H2AC8: variants seen among roughly 807,000 people sequenced by gnomAD.
H2AC8 encodes the protein histone H2A type 1-B/E.
Under a neutral mutation model 6.3 loss-of-function variants are expected in H2AC8, and 9 were observed. The observed-to-expected ratio is 1.43, with a 90% confidence interval of 0.86 to 2.49. The LOEUF (loss-of-function observed/expected upper bound fraction) is 2.49, where lower values mean the gene tolerates loss of function less well. Ranked by LOEUF, H2AC8 falls within the 30% of genes most tolerant of loss-of-function variation. The pLI, the probability that H2AC8 is intolerant of heterozygous loss-of-function variation, is 0.00. For synonymous variants in H2AC8, 176 were observed against 79.6 expected, an observed-to-expected ratio of 2.21 and a Z score of -6.45; for missense variants, 141 against 177.5, an observed-to-expected ratio of 0.79 and a Z score of 1.17.
At chr6:26,217,417 G>A (rs1765438017) in exon 1 of H2AC8, 1 of 1,581,550 alleles carries the variant, frequency 6.3e-7, no homozygotes, top group Non-Finnish European at 8.6e-7. Flanking sequence ...AGAAACCAAA[G>A]GCTCTTTTCA....
At chr6:26,217,067 G>T in exon 1 of H2AC8, 1 of 1,614,218 alleles carries the variant, frequency 6.2e-7, no homozygotes, top group Non-Finnish European at 8.5e-7. Flanking sequence ...TTGGCCGTGT[G>T]CACCGCCTCC....
chr6:26,217,421 C>A (rs1328026104), exon 1 of H2AC8: 5 of 1,566,504 alleles, frequency 3.2e-6, no homozygotes, highest in Non-Finnish European at 4.3e-6. Context: ...ACCAAAGGCT[C>A]TTTTCAGAGC....
exon 1 of H2AC8, chr6:26,217,325 G>T (rs1314167674): frequency 6.2e-7 from 1 of 1,614,184 alleles, no homozygotes; most frequent in East Asian, 2.2e-5. Context: ...CCGTATTGCT[G>T]CCTAAGAAGA....
At position 26,217,082 on chromosome 6, in the gene H2AC8, C is replaced by G. The variant is rs141260399; in HGVS notation, c.108C>G (p.Arg36=). ...TTGGCCGTGTGCACCGCCTCCTCCGCAAAGGCAACTACTCCGAACGAGTCG... is the reference window on the plus strand; with the variant it reads ...TTGGCCGTGTGCACCGCCTCCTCCGGAAAGGCAACTACTCCGAACGAGTCG... Residue 36 remains arginine (R), a synonymous_variant, in exon 1 of 1, where the codon CGC becomes CGG. Coordinates refer to ENST00000303910, the Ensembl canonical transcript of H2AC8. The G allele has an allele frequency of 3.1e-6, 5 of 1,614,082 alleles. No homozygotes were observed. The African/African-American group carries it at 6.7e-5, about 22-fold the overall frequency.
rs762618276 is a variant in H2AC8, at chr6:26,217,223, C to T, written c.249C>T (p.His83=). The T allele has an allele frequency of 3.7e-6, 6 of 1,614,214 alleles. No homozygotes were observed. In the African/African-American group the frequency reaches 4.0e-5, roughly 11 times the overall value. The stretch of plus-strand genomic sequence containing the variant: ...AGAAGACCCGCATCATCCCGCGCCA[C>T]CTGCAGCTAGCCATCCGCAACGACG... Residue 83 remains histidine, a synonymous_variant, in exon 1 of 1, where the codon CAC becomes CAT. Transcript: ENST00000303910.
At chr6:26,217,040 C>G in exon 1 of H2AC8, 2 of 1,614,194 alleles carry the variant, frequency 1.2e-6, no homozygotes, top group Non-Finnish European at 8.5e-7. Flanking sequence ...CTTCCAGGGC[C>G]GGTCTTCAGT....
chr6:26,217,174 C>T (rs1272882415), exon 1 of H2AC8: 4 of 1,614,090 alleles, frequency 2.5e-6, no homozygotes, highest in Admixed American at 1.7e-5. Context: ...TTAGAGCTAG[C>T]TGGCAACGCG....
At chr6:26,217,124 G>T (rs371194768) in exon 1 of H2AC8, 3 of 1,614,076 alleles carry the variant, frequency 1.9e-6, no homozygotes, top group South Asian at 2.2e-5. Flanking sequence ...GCGCTCCAGT[G>T]TACCTGGCAG....
At chr6:26,217,238 C>T in exon 1 of H2AC8, 2 of 1,614,228 alleles carry the variant, frequency 1.2e-6, no homozygotes, top group Non-Finnish European at 8.5e-7. Context: ...AGCTAGCCAT[C>T]CGCAACGACG....
Position 26,217,097 on chromosome 6 carries a change from C to G in H2AC8, c.123C>G (p.Ser41=), listed in dbSNP as rs375254322. Residue 41 remains serine, a synonymous_variant, in exon 1 of 1, where the codon TCC becomes TCG. Transcript: ENST00000303910. ...GCCTCCTCCGCAAAGGCAACTACTCCGAACGAGTCGGGGCCGGCGCTCCAG... is the reference window on the plus strand; with the variant it reads ...GCCTCCTCCGCAAAGGCAACTACTCGGAACGAGTCGGGGCCGGCGCTCCAG... The G allele has an allele frequency of 5.3e-5, 86 of 1,614,206 alleles. No individual in the cohort carries two copies. In the South Asian group the frequency reaches 8.6e-4, roughly 16 times the overall value.
At chr6:26,217,405 C>T in exon 1 of H2AC8, 1 of 1,592,442 alleles carries the variant, frequency 6.3e-7, no homozygotes, top group Non-Finnish European at 8.5e-7. Flanking sequence ...ATCCCGAGTC[C>T]CAGAAACCAA....
rs535373526 is a variant in H2AC8, at chr6:26,217,010, G to C, written c.36G>C (p.Arg12=). The change falls in exon 1 of 1, where the codon CGG becomes CGC. Residue 12 remains arginine, a synonymous_variant. Coordinates refer to ENST00000303910, the Ensembl canonical transcript of H2AC8. ...GTGGAAAGCAAGGCGGCAAAGCTCG[G>C]GCAAAAGCTAAAACGCGTTCTTCCA... The C allele has an allele frequency of 2.5e-5, 41 of 1,614,168 alleles. No homozygotes were observed. In the South Asian group the frequency reaches 4.2e-4, roughly 16 times the overall value.
At chr6:26,217,285 C>T (rs768560039) in exon 1 of H2AC8, 9 of 1,614,100 alleles carry the variant, frequency 5.6e-6, no homozygotes, top group African/African-American at 2.7e-5. Context: ...GTGACCATCG[C>T]GCAGGGCGGT....
At chr6:26,216,947 T>G (rs780213776), upstream of H2AC8, 1 of 1,612,788 alleles carries the variant, frequency 6.2e-7, no homozygotes, top group East Asian at 2.2e-5. Flanking sequence ...CAGTGGATTG[T>G]TAGTTCTTCT....
Position 26,217,012 on chromosome 6 carries a change from C to T in H2AC8, c.38C>T (p.Ala13Val), listed in dbSNP as rs1301019407. ...GGAAAGCAAGGCGGCAAAGCTCGGG[C>T]AAAAGCTAAAACGCGTTCTTCCAGG... Residue 13 changes from alanine (A) to valine (V), a missense_variant, in exon 1 of 1, where the codon GCA becomes GTA. Ala to Val is a moderately conservative substitution (Grantham distance 64, BLOSUM62 0). Coordinates refer to ENST00000303910, the Ensembl canonical transcript of H2AC8. The T allele has an allele frequency of 8.1e-6, 13 of 1,614,190 alleles. 1 individual carries two copies. Among genetic ancestry groups the T allele is most frequent in the South Asian group, 7.7e-5 (7 of 91,086 alleles).
chr6:26,216,922 T>C (rs1157522634), upstream of H2AC8: 3 of 1,595,298 alleles, frequency 1.9e-6, no homozygotes, highest in East Asian at 2.2e-5. Context: ...ATCGAGCCCA[T>C]TCTTTTTCTT....
At chr6:26,216,942 G>T (rs377218795), upstream of H2AC8, 1 of 1,611,614 alleles carries the variant, frequency 6.2e-7, no homozygotes, top group Admixed American at 1.7e-5. Context: ...TTATTCAGTG[G>T]ATTGTTAGTT....
At chr6:26,217,047 C>A in exon 1 of H2AC8, 1 of 1,614,186 alleles carries the variant, frequency 6.2e-7, no homozygotes, top group Non-Finnish European at 8.5e-7. Flanking sequence ...GGCCGGTCTT[C>A]AGTTTCCAGT....
chr6:26,217,096 C>A, exon 1 of H2AC8: 1 of 1,614,218 alleles, frequency 6.2e-7, no homozygotes, highest in Non-Finnish European at 8.5e-7. Flanking sequence ...GGCAACTACT[C>A]CGAACGAGTC....
Sources: allele counts gnomAD v4.1 joint callset, GRCh38; gene constraint gnomAD v4.1.1; transcripts MANE v1.5; gene names NCBI Gene and HGNC (gene_info 2026-07-23, HGNC 2026-07-21).